The following NEK6 variants were observed in gnomAD, a reference collection of about 807,000 sequenced individuals.
NEK6 encodes NIMA related kinase 6.
Under a neutral mutation model 43.5 loss-of-function variants are expected in NEK6, and 27 were observed. The observed-to-expected ratio is 0.62, with a 90% confidence interval of 0.46 to 0.86. NEK6 has a LOEUF of 0.86. NEK6 is among the 40% of genes least tolerant of loss of function. The pLI, the probability that NEK6 is intolerant of heterozygous loss-of-function variation, is 0.00. For synonymous variants in NEK6, 167 were observed against 164.1 expected, an observed-to-expected ratio of 1.02 and a Z score of -0.14; for missense variants, 318 against 414.4, an observed-to-expected ratio of 0.77 and a Z score of 2.02.
intron 1 of NEK6, among the ~76,000 whole-genome samples, chr9:124,271,513 C>T (rs1252004764): frequency 6.6e-6 from 1 of 152,246 alleles, no homozygotes; most frequent in Non-Finnish European, 1.5e-5. Flanking sequence ...GTGTTGCCTT[C>T]GTTAATCCTC....
At chr9:124,312,193 C>G (rs539664097) in intron 2 of NEK6, among the ~76,000 whole-genome samples, 2 of 152,226 alleles carry the variant, frequency 1.3e-5, no homozygotes, top group Non-Finnish European at 2.9e-5. Flanking sequence ...CGTGGTCCCA[C>G]GGAGCTAGCC....
chr9:124,259,418 CGGACTCAGCGAGTTT>C (rs888908477), intron 1 of NEK6: 29 of 152,202 alleles, frequency 1.9e-4, no homozygotes, highest in Admixed American at 1.0e-3. Flanking sequence ...GCGCCTGCCC[CGGACTCAGCGAGTTT>C]GGACTCAGCG....
At chr9:124,284,280 C>T (rs533465409) in intron 1 of NEK6, among the ~76,000 whole-genome samples, 1 of 152,318 alleles carries the variant, frequency 6.6e-6, no homozygotes, top group Admixed American at 6.5e-5. Flanking sequence ...ACTAGGGAGG[C>T]GGAGGTTGCA....
At chr9:124,335,356 AG>A (rs1829234396) in intron 7 of NEK6, among the ~76,000 whole-genome samples, 1 of 152,236 alleles carries the variant, frequency 6.6e-6, no homozygotes, top group African/African-American at 2.4e-5. Context: ...GTTGACTGAC[AG>A]CCCTTTCTGC....
In NEK6 at chr9:124,258,156, G is replaced by T. The variant is rs918143404; in HGVS notation, c.-30+71G>T. 1.8e-4 allele frequency: 177 copies of T among 976,324 alleles called. No individual in the cohort carries two copies. The African/African-American group carries it at 2.9e-3, about 16-fold the overall frequency. 60.5% of individuals were successfully genotyped at this position (976,324 alleles called of 1,614,324 possible). A position where few individuals can be genotyped will look rare whatever the true frequency, so the allele number is the denominator to read the frequency against. On this transcript the variant is annotated intron_variant, in intron 1 of 9. Coordinates refer to ENST00000320246, the MANE Select transcript of NEK6 (RefSeq NM_014397.6). ...CGGAGAAGGGCGGGGGCCGGGCGGC[G>T]GGGCCGTCACCCCCAGCCGGGCCGA...
chr9:124,349,600 TTTTA>T (rs1424269909), intron 9 of NEK6, among the ~76,000 whole-genome samples: 1 of 152,190 alleles, frequency 6.6e-6, no homozygotes, highest in Non-Finnish European at 1.5e-5. Flanking sequence ...AATAAGACAC[TTTTA>T]TTATTTTTCT....
At chr9:124,336,836 C>A (rs1829321059) in intron 7 of NEK6, among the ~76,000 whole-genome samples, 1 of 152,136 alleles carries the variant, frequency 6.6e-6, no homozygotes, top group South Asian at 2.1e-4. Flanking sequence ...TGGTGAAACT[C>A]CGTCTCTACT....
intron 8 of NEK6, among the ~76,000 whole-genome samples, chr9:124,340,037 TG>T (rs1348106499): frequency 2.0e-5 from 3 of 152,060 alleles, no homozygotes; most frequent in African/African-American, 7.2e-5. Flanking sequence ...GCAGGGCACC[TG>T]GGGTCAGGAG....
At position 124,265,275 on chromosome 9, in the gene NEK6, G is replaced by A. The variant is rs181829978; in HGVS notation, c.-30+7190G>A. Among the ~76,000 whole-genome samples, 16 of 152,326 alleles carry A rather than the reference G, an allele frequency of 1.1e-4. No individual in the cohort carries two copies. In the East Asian group the frequency reaches 3.1e-3, roughly 29 times the overall value. ...ACGGTGGCTCACGCCTGTAATCCCA[G>A]CACTTTGGGAGGCCGAGGCAGGCGG... On this transcript the variant is annotated intron_variant, in intron 1 of 9. Transcript: ENST00000320246.
At chr9:124,305,840 T>C (rs1420687405) in intron 2 of NEK6, among the ~76,000 whole-genome samples, 1 of 152,178 alleles carries the variant, frequency 6.6e-6, no homozygotes, top group Non-Finnish European at 1.5e-5. Context: ...TGAAGGTGCA[T>C]GGCCAATCAG....
intron 2 of NEK6, 102 bp downstream of exon 2, chr9:124,302,156 C>A: frequency 1.3e-6 from 1 of 786,398 alleles, no homozygotes; most frequent in Non-Finnish European, 2.0e-6. Flanking sequence ...AACCCTTCAG[C>A]TCCCTGAAAC....
At chr9:124,296,965 G>A (rs1832720997) in intron 1 of NEK6, among the ~76,000 whole-genome samples, 2 of 152,224 alleles carry the variant, frequency 1.3e-5, no homozygotes, top group African/African-American at 4.8e-5. Context: ...AAGCGCTCAT[G>A]TCTCCCTAGG....
intron 7 of NEK6, among the ~76,000 whole-genome samples, chr9:124,335,458 C>T (rs905466212): frequency 6.6e-6 from 1 of 152,192 alleles, no homozygotes; most frequent in African/African-American, 2.4e-5. Context: ...AGGGCTGCTG[C>T]GCTTGTTTGG....
At chr9:124,350,769 G>T in intron 9 of NEK6, 68 bp from the exon 10 acceptor site, 2 of 1,091,168 alleles carry the variant, frequency 1.8e-6, no homozygotes, top group South Asian at 1.3e-5. Flanking sequence ...CATGCAGACA[G>T]ACTGTGGAGT....
At chr9:124,259,842 C>CA (rs1830959769) in intron 1 of NEK6, among the ~76,000 whole-genome samples, 1 of 152,340 alleles carries the variant, frequency 6.6e-6, no homozygotes, top group South Asian at 2.1e-4. Context: ...AATAAAGTCT[C>CA]AGACTGAAGG....
At position 124,353,252 on chromosome 9, in the gene NEK6, G is replaced by A. The variant is rs1830344672; in HGVS notation, c.*2305G>A. 1 of 259,250 alleles carries A rather than the reference G, an allele frequency of 3.9e-6. No individual in the cohort carries two copies. Among genetic ancestry groups the A allele is most frequent in the Admixed American group, 5.2e-5 (1 of 19,132 alleles). 16.1% of individuals were successfully genotyped at this position (259,250 alleles called of 1,614,324 possible). ...CCAAACAAATTCAGCCAGCAAAAAG[G>A]GTAGGTATCGATGGTCACCTGAAGC... On this transcript the variant is annotated 3_prime_UTR_variant, in exon 10 of 10. Coordinates refer to ENST00000320246, the MANE Select transcript of NEK6 (RefSeq NM_014397.6).
chr9:124,320,488 A>G (rs1041048126), intron 4 of NEK6, among the ~76,000 whole-genome samples: 3 of 152,176 alleles, frequency 2.0e-5, no homozygotes, highest in African/African-American at 7.2e-5. Flanking sequence ...TGTGCTCACT[A>G]TCGGCCTCTG....
At chr9:124,322,911 G>A (rs1193813804) in intron 5 of NEK6, among the ~76,000 whole-genome samples, 3 of 152,242 alleles carry the variant, frequency 2.0e-5, no homozygotes, top group African/African-American at 2.4e-5. Flanking sequence ...TTACATTTCC[G>A]TTGACATATT....
intron 2 of NEK6, among the ~76,000 whole-genome samples, chr9:124,307,130 T>TA (rs3050234): frequency 0.45 from 66,972 of 149,738 alleles, 15,014 homozygotes; most frequent in Non-Finnish European, 0.49. Flanking sequence ...TGCTCCTGTT[T>TA]AAAAAAAAAA....
Sources: gnomAD v4.1 joint callset for allele counts (sites outside exome capture counted in the v4.1 genomes callset) on GRCh38, gnomAD v4.1.1 for gene constraint, MANE v1.5 for transcripts, NCBI Gene and HGNC (gene_info 2026-07-23, HGNC 2026-07-21) for gene names.